AGBL1: variants seen among roughly 807,000 people sequenced by gnomAD.
AGBL1 encodes the protein AGBL carboxypeptidase 1.
A neutral mutation model predicts 118.9 loss-of-function variants in AGBL1; 130 were observed. The ratio of observed to expected loss-of-function variants is 1.09; its 90% CI spans 0.95 to 1.26. The LOEUF (loss-of-function observed/expected upper bound fraction) is 1.26, where lower values mean the gene tolerates loss of function less well. Among genes scored for constraint, AGBL1 ranks in the 50% most tolerant of loss-of-function variants. The probability of loss-of-function intolerance (pLI) is 0.00; values close to 1 mark genes in which losing one functional copy is unlikely to be tolerated. For missense variants in AGBL1, 1,584 were observed against 1,298.1 expected (o/e 1.22, Z -3.38); for synonymous variants, 555 against 478.9 (o/e 1.16, Z -2.08).
At chr15:86,103,274 T>G (rs952385512) in intron 1 of AGBL1, among the ~76,000 whole-genome samples, 1 of 152,222 alleles carries the variant, frequency 6.6e-6, no homozygotes, top group Non-Finnish European at 1.5e-5. Context: ...AAAAATAATT[T>G]AATTGTACAT....
downstream of AGBL1, among the ~76,000 whole-genome samples, chr15:86,917,708 G>GCTGCTCTGCTGTGT (rs2080441442): frequency 1.3e-5 from 2 of 152,230 alleles, no homozygotes; most frequent in South Asian, 2.1e-4. This position sits in a 1 kb window ranked among gnomAD's most constrained non-coding sequence, Gnocchi z 4.8. Flanking sequence ...GGGATGAAAA[G>GCTGCTCTGCTGTGT]CTGCTCTGCT....
At chr15:86,756,926 G>A (rs898800403) in intron 22 of AGBL1, among the ~76,000 whole-genome samples, 1 of 149,740 alleles carries the variant, frequency 6.7e-6, no homozygotes, top group East Asian at 2.0e-4. Flanking sequence ...GACCAAATTT[G>A]AATCCAATAA....
chr15:86,476,991 T>C (rs1047729372), intron 18 of AGBL1, among the ~76,000 whole-genome samples: 3 of 152,142 alleles, frequency 2.0e-5, no homozygotes, highest in African/African-American at 7.2e-5. Flanking sequence ...ACTGGTTACA[T>C]AATGAAATGA....
At chr15:86,279,589 C>G (rs760233446) in intron 15 of AGBL1, 50 bp from the exon 16 acceptor site, 1 of 1,574,852 alleles carries the variant, frequency 6.3e-7, no homozygotes, top group Admixed American at 1.7e-5. Context: ...ACCCTGCACC[C>G]CCCTCCCACC....
intron 17 of AGBL1, chr15:86,312,078 G>A (rs1454872888): frequency 6.6e-6 from 1 of 152,238 alleles, no homozygotes. Context: ...GTTAGAGTAA[G>A]TGATGAGTGA....
Position 86,770,226 on chromosome 15 carries a change from CT to C in AGBL1, c.3158+95791del, listed in dbSNP as rs149871191. ...AGTTAGTTTATAGAGATGAATAAGA[CT>C]GGGTCCTGCTCTCATGAAGCTCACT... On this transcript the variant is annotated intron_variant, in intron 22 of 22. Coordinates refer to ENST00000614907, the MANE Select transcript of AGBL1 (RefSeq NM_001386094.1). Among the ~76,000 whole-genome samples the C allele has an allele frequency of 2.2e-3, 337 of 152,072 alleles. 3 individuals carry two copies. Among genetic ancestry groups the C allele is most frequent in the African/African-American group, 7.5e-3 (312 of 41,522 alleles).
At chr15:86,390,192 G>A (rs974218664) in intron 17 of AGBL1, among the ~76,000 whole-genome samples, 3 of 152,168 alleles carry the variant, frequency 2.0e-5, no homozygotes, top group African/African-American at 7.2e-5. Flanking sequence ...GTTCAGTTAA[G>A]CAGGGAAATA....
intron 1 of AGBL1, among the ~76,000 whole-genome samples, chr15:86,102,880 A>G (rs556506552): frequency 6.6e-6 from 1 of 151,236 alleles, no homozygotes; most frequent in South Asian, 2.1e-4. Context: ...TAGGTTTTCC[A>G]TTTTTCTATT....
chr15:86,354,825 T>C (rs889172619), intron 17 of AGBL1, among the ~76,000 whole-genome samples: 1 of 152,200 alleles, frequency 6.6e-6, no homozygotes, highest in Non-Finnish European at 1.5e-5. Flanking sequence ...AAGCCCAATG[T>C]AATTGTACAA....
chr15:86,817,084 C>G (rs934606523), intron 22 of AGBL1, among the ~76,000 whole-genome samples: 1 of 151,716 alleles, frequency 6.6e-6, no homozygotes, highest in African/African-American at 2.4e-5. Flanking sequence ...GTCAGGAGTT[C>G]GAGACCAGCA....
chr15:86,641,799 A>C (rs2085196177), intron 21 of AGBL1, among the ~76,000 whole-genome samples: 1 of 152,194 alleles, frequency 6.6e-6, no homozygotes, highest in Non-Finnish European at 1.5e-5. Flanking sequence ...TTATCAGTCA[A>C]CTATTTTTGC....
At chr15:86,809,526 C>G (rs1025965935) in intron 22 of AGBL1, among the ~76,000 whole-genome samples, 15 of 152,150 alleles carry the variant, frequency 9.9e-5, no homozygotes, top group Non-Finnish European at 7.3e-5. Context: ...ATTTGCTATA[C>G]TAGCCCTGTA....
chr15:86,483,749 C>A (rs1032414778), intron 18 of AGBL1, among the ~76,000 whole-genome samples: 20 of 152,090 alleles, frequency 1.3e-4, no homozygotes, highest in African/African-American at 4.6e-4. Flanking sequence ...AAAGTGATTA[C>A]AGAAAAGTTT....
chr15:86,624,570 G>T (rs1380550097), intron 21 of AGBL1, among the ~76,000 whole-genome samples: 2 of 152,172 alleles, frequency 1.3e-5, no homozygotes, highest in Non-Finnish European at 2.9e-5. Flanking sequence ...GGCCCAAAAG[G>T]CTGCACATAA....
intron 4 of AGBL1, among the ~76,000 whole-genome samples, chr15:86,155,922 A>AT (rs553727891): frequency 5.3e-5 from 8 of 151,540 alleles, no homozygotes; most frequent in East Asian, 2.0e-4. Flanking sequence ...TATTTTTTTA[A>AT]TTTTTTTTTA....
intron 24 of AGBL1, among the ~76,000 whole-genome samples, chr15:87,015,367 T>G (rs2081599260): frequency 6.6e-6 from 1 of 152,062 alleles, no homozygotes; most frequent in Non-Finnish European, 1.5e-5. Flanking sequence ...TGTCTGTCTA[T>G]CTATCTATCT....
At chr15:86,681,399 C>T (rs1047872462) in intron 22 of AGBL1, among the ~76,000 whole-genome samples, 11 of 152,060 alleles carry the variant, frequency 7.2e-5, no homozygotes, top group Non-Finnish European at 1.6e-4. Context: ...TTTCATTTAT[C>T]GTCCCATAGA....
chr15:86,510,624 C>T (rs1350418211), intron 18 of AGBL1, among the ~76,000 whole-genome samples: 1 of 152,034 alleles, frequency 6.6e-6, no homozygotes, highest in Non-Finnish European at 1.5e-5. Flanking sequence ...TGGAACATTA[C>T]ATGATATTTT....
Position 86,174,190 on chromosome 15 carries a change from C to T in AGBL1, c.488+15164C>T, listed in dbSNP as rs529870217. ...CCTATTGGTTAAATTTATTTCTAGGCATTTTGTTATTTTTTGTAGCTATTG... is the reference window on the plus strand; with the variant it reads ...CCTATTGGTTAAATTTATTTCTAGGTATTTTGTTATTTTTTGTAGCTATTG... On this transcript the variant is annotated intron_variant, in intron 5 of 22. Transcript: ENST00000614907. Among the ~76,000 whole-genome samples, 4 of 151,990 alleles carry T rather than the reference C, an allele frequency of 2.6e-5. No individual in the cohort carries two copies. In the East Asian group the frequency reaches 5.8e-4, roughly 22 times the overall value.
Sources: allele counts gnomAD v4.1 joint callset (sites outside exome capture counted in the v4.1 genomes callset), GRCh38; gene constraint gnomAD v4.1.1; non-coding constraint Gnocchi (gnomAD v3.1); transcripts MANE v1.5; gene names NCBI Gene and HGNC (gene_info 2026-07-23, HGNC 2026-07-21).